CADPS: variants seen among roughly 807,000 people sequenced by gnomAD.
CADPS encodes the protein calcium-dependent secretion activator 1.
A neutral mutation model predicts 167.3 loss-of-function variants in CADPS; 57 were observed. The observed-to-expected ratio is 0.34, with a 90% CI of 0.28 to 0.42. The LOEUF (loss-of-function observed/expected upper bound fraction) is 0.42, where lower values mean the gene tolerates loss of function less well. CADPS is among the 20% of genes least tolerant of loss of function. The probability of loss-of-function intolerance (pLI) is 1.00; values close to 1 mark genes in which losing one functional copy is unlikely to be tolerated. For synonymous variants in CADPS, 676 were observed against 635.3 expected (o/e 1.06, Z -0.96); for missense variants, 1,414 against 1,738.1 (o/e 0.81, Z 3.32).
intron 1 of CADPS, among the ~76,000 whole-genome samples, chr3:62,818,277 A>G (rs1222295880): frequency 6.6e-6 from 1 of 152,144 alleles, no homozygotes; most frequent in Non-Finnish European, 1.5e-5. Flanking sequence ...AGGGACCCAC[A>G]CTACATCTAC....
intron 1 of CADPS, among the ~76,000 whole-genome samples, chr3:62,863,016 GAATA>G (rs1400609235): frequency 2.0e-5 from 3 of 152,248 alleles, no homozygotes; most frequent in African/African-American, 7.2e-5. Flanking sequence ...AAATTGTAGA[GAATA>G]TATATTACTA....
At chr3:62,410,279 G>C (rs1157769423) in intron 28 of CADPS, among the ~76,000 whole-genome samples, 1 of 152,198 alleles carries the variant, frequency 6.6e-6, no homozygotes, top group African/African-American at 2.4e-5. Context: ...ACTAGGAACT[G>C]AGTTCTATTG....
chr3:62,776,699 T>C (rs927510712), intron 1 of CADPS, among the ~76,000 whole-genome samples: 1 of 151,844 alleles, frequency 6.6e-6, no homozygotes, highest in African/African-American at 2.4e-5. Context: ...AATCAGGGAA[T>C]AGGAATGAGT....
intron 1 of CADPS, among the ~76,000 whole-genome samples, chr3:62,838,260 C>T (rs963195406): frequency 6.6e-6 from 1 of 152,162 alleles, no homozygotes; most frequent in Admixed American, 6.5e-5. Context: ...AAATGCATGT[C>T]TCCTGATTTG....
chr3:62,557,551 A>G (rs2078375634), intron 9 of CADPS, 38 bp from the exon 10 acceptor site: 1 of 1,512,944 alleles, frequency 6.6e-7, no homozygotes, highest in African/African-American at 1.4e-5. Flanking sequence ...TGACCCCTGG[A>G]GCCTGTCTTC....
chr3:62,419,974 T>C (rs1350381311), intron 28 of CADPS, among the ~76,000 whole-genome samples: 1 of 152,142 alleles, frequency 6.6e-6, no homozygotes, highest in African/African-American at 2.4e-5. Flanking sequence ...AAGTTGAAGT[T>C]CTTACTTAGG....
At chr3:62,451,453 T>C (rs148255277) in intron 26 of CADPS, among the ~76,000 whole-genome samples, 1 of 151,822 alleles carries the variant, frequency 6.6e-6, no homozygotes, top group East Asian at 1.9e-4. Flanking sequence ...CAGGGTTTGA[T>C]ACTATTAAAT....
At chr3:62,402,772 A>T (rs1387982828) in intron 29 of CADPS, among the ~76,000 whole-genome samples, 1 of 152,280 alleles carries the variant, frequency 6.6e-6, no homozygotes, top group Non-Finnish European at 1.5e-5. Flanking sequence ...TAACATAATG[A>T]CACCAAAAGC....
rs115978150 is a variant in CADPS at position 62,520,499 on chromosome 3, T to G, written c.2292-2249A>C. Among the ~76,000 whole-genome samples the G allele has an allele frequency of 3.8e-3, 579 of 152,324 alleles. 4 individuals are homozygous for G. The highest frequency in any genetic ancestry group is 0.013 in the African/African-American group (533 of 41,578). Reference sequence around the variant, plus strand: ...TTCTGAACACTATTAATCTCACTATTCCAATAAAAGTAAACAACTGAAAAG... The same window carrying G: ...TTCTGAACACTATTAATCTCACTATGCCAATAAAAGTAAACAACTGAAAAG... On this transcript the variant is annotated intron_variant, in intron 13 of 29. Transcript: ENST00000383710.
intron 26 of CADPS, among the ~76,000 whole-genome samples, chr3:62,450,299 G>A (rs2057849204): frequency 6.6e-6 from 1 of 152,184 alleles, no homozygotes; most frequent in African/African-American, 2.4e-5. Flanking sequence ...GACTGAGTGT[G>A]GGCATAAGTG....
chr3:62,584,409 C>T (rs1224907432), intron 8 of CADPS, among the ~76,000 whole-genome samples: 4 of 152,214 alleles, frequency 2.6e-5, no homozygotes, highest in African/African-American at 9.6e-5. Flanking sequence ...CCCAGAGGGG[C>T]TAAGCAGAAT....
At chr3:62,853,833 G>T (rs139536166) in intron 1 of CADPS, among the ~76,000 whole-genome samples, 741 of 152,080 alleles carry the variant, frequency 4.9e-3, no homozygotes, top group Non-Finnish European at 6.9e-3. Flanking sequence ...GTGCGTGCCT[G>T]TATTCCCAGT....
chr3:62,422,191 C>T (rs1432687078), intron 28 of CADPS, among the ~76,000 whole-genome samples: 3 of 152,192 alleles, frequency 2.0e-5, no homozygotes, highest in Non-Finnish European at 4.4e-5. Context: ...TACCCTTCTG[C>T]CTCAGTTACC....
chr3:62,842,560 T>C (rs1369042526), intron 1 of CADPS, among the ~76,000 whole-genome samples: 1 of 152,234 alleles, frequency 6.6e-6, no homozygotes, highest in Admixed American at 6.5e-5. Flanking sequence ...TCAAAGTGTT[T>C]TTATTGCATG....
In CADPS at chr3:62,662,399, A is replaced by C; in HGVS notation, c.889-5T>G. The C allele has an allele frequency of 6.2e-7, 1 of 1,613,654 alleles. No homozygotes were observed. The highest frequency in any genetic ancestry group is 8.5e-7 in the Non-Finnish European group (1 of 1,179,660). Reference sequence around the variant, plus strand: ...TTGCTCATCTGGATTGTCCAGCTGCACAAAAGCACAGACATTGAGACTTTT... The same window carrying C: ...TTGCTCATCTGGATTGTCCAGCTGCCCAAAAGCACAGACATTGAGACTTTT... On this transcript the variant is annotated splice_polypyrimidine_tract_variant and splice_region_variant and intron_variant, in intron 3 of 29. Coordinates refer to ENST00000383710, the MANE Select transcript of CADPS (RefSeq NM_003716.4).
intron 6 of CADPS, among the ~76,000 whole-genome samples, chr3:62,621,560 A>G (rs1393564967): frequency 1.3e-5 from 2 of 152,176 alleles, no homozygotes; most frequent in Non-Finnish European, 1.5e-5. Context: ...AGAAATATAC[A>G]TAATTACAAT....
chr3:62,471,182 G>A (rs921167667), intron 24 of CADPS, among the ~76,000 whole-genome samples: 1 of 152,110 alleles, frequency 6.6e-6, no homozygotes, highest in Non-Finnish European at 1.5e-5. Flanking sequence ...GAGTCCATAC[G>A]ATGTCATGAT....
At chr3:62,432,261 C>T (rs1365200424) in intron 28 of CADPS, among the ~76,000 whole-genome samples, 1 of 152,146 alleles carries the variant, frequency 6.6e-6, no homozygotes, top group Non-Finnish European at 1.5e-5. Flanking sequence ...CTCACGAAAA[C>T]TGTAAGAAGC....
intron 9 of CADPS, among the ~76,000 whole-genome samples, chr3:62,568,242 T>C (rs752979247): frequency 6.6e-6 from 1 of 152,204 alleles, no homozygotes; most frequent in Non-Finnish European, 1.5e-5. Context: ...GAAGGATGCC[T>C]AGATGGCTGG....
Sources: allele counts gnomAD v4.1 joint callset (sites outside exome capture counted in the v4.1 genomes callset), GRCh38; gene constraint gnomAD v4.1.1; transcripts MANE v1.5; gene names NCBI Gene and HGNC (gene_info 2026-07-23, HGNC 2026-07-21).